The following PIEZO2 variants were observed in gnomAD, a reference collection of about 807,000 sequenced individuals.
PIEZO2 encodes piezo type mechanosensitive ion channel component 2, also known as piezo-type mechanosensitive ion channel component 2.
A neutral mutation model predicts 337.3 loss-of-function variants in PIEZO2; 172 were observed. The observed-to-expected ratio is 0.51, with a 90% CI of 0.45 to 0.58. The LOEUF (loss-of-function observed/expected upper bound fraction) is 0.58. Ranked by LOEUF, PIEZO2 falls within the 20% of genes least tolerant of loss-of-function variation. The pLI is 0.00. For synonymous variants in PIEZO2, 1,251 were observed against 1,228.5 expected (o/e 1.02, Z -0.38); for missense variants, 3,028 against 3,391.3 (o/e 0.89, Z 2.66).
chr18:10,741,217 G>T, intron 32 of PIEZO2, 115 bp from the exon 33 acceptor site: 1 of 885,206 alleles, frequency 1.1e-6, no homozygotes, highest in Non-Finnish European at 1.7e-6. Flanking sequence ...GTATATCAGA[G>T]GTCAGGTAAA....
At chr18:10,957,566 T>G (rs1252690225) in intron 3 of PIEZO2, among the ~76,000 whole-genome samples, 4 of 152,130 alleles carry the variant, frequency 2.6e-5, no homozygotes, top group Non-Finnish European at 4.4e-5. Context: ...GTAAAGCTAC[T>G]AGAAGAAAAA....
rs182498800 is a variant in PIEZO2 at position 10,817,280 on chromosome 18, T to C, written c.918-10006A>G. On this transcript the variant is annotated intron_variant, in intron 7 of 55. Coordinates refer to ENST00000674853, the MANE Select transcript of PIEZO2 (RefSeq NM_001378183.1). ...TGTTTAATTGTCTAGATATTTTAGGTAATATCAAATACGATGAACACCAAT... is the reference window on the plus strand; with the variant it reads ...TGTTTAATTGTCTAGATATTTTAGGCAATATCAAATACGATGAACACCAAT... 1.1e-3 allele frequency among the ~76,000 whole-genome samples: 160 copies of C among 152,328 alleles called. 2 individuals are homozygous for C. Among genetic ancestry groups the C allele is most frequent in the Admixed American group, 0.01 (158 of 15,302 alleles).
At chr18:10,749,863 C>T (rs535441136) in intron 29 of PIEZO2, among the ~76,000 whole-genome samples, 2 of 152,270 alleles carry the variant, frequency 1.3e-5, no homozygotes, top group African/African-American at 4.8e-5. Flanking sequence ...GACTCCAAGT[C>T]CTCAGCATTT....
At chr18:10,770,787 G>T (rs909071255) in intron 20 of PIEZO2, among the ~76,000 whole-genome samples, 1 of 120,116 alleles carries the variant, frequency 8.3e-6, no homozygotes, top group East Asian at 2.8e-4. Context: ...CTGTAGCCCA[G>T]GCTAGAGTGC....
intron 1 of PIEZO2, among the ~76,000 whole-genome samples, chr18:11,076,360 C>T (rs1052153189): frequency 6.6e-6 from 1 of 152,084 alleles, no homozygotes; most frequent in African/African-American, 2.4e-5. Context: ...ATTATAAGGA[C>T]TTGTATTAGA....
At position 10,750,252 on chromosome 18, in the gene PIEZO2, G is replaced by A; in HGVS notation, c.4168-65C>T. On this transcript the variant is annotated intron_variant, in intron 28 of 55. Transcript: ENST00000674853. This position sits in a 1 kb window ranked among gnomAD's most constrained non-coding sequence, Gnocchi z 4.1. ...GCCAGAAAAAAAAGTGGTGTTTTATGATCCCAACATGTGCAAGAATTCACA... is the reference window on the plus strand; with the variant it reads ...GCCAGAAAAAAAAGTGGTGTTTTATAATCCCAACATGTGCAAGAATTCACA... 1.7e-6 allele frequency: 2 copies of A among 1,156,426 alleles called. No individual in the cohort carries two copies. The highest frequency in any genetic ancestry group is 1.2e-6 in the Non-Finnish European group (1 of 800,804). The allele number at this position is 1,156,426 out of a possible 1,614,324, so 71.6% of individuals were successfully genotyped here.
chr18:10,761,212 TA>T, intron 23 of PIEZO2, 101 bp from the exon 24 acceptor site: 1 of 1,075,280 alleles, frequency 9.3e-7, no homozygotes, highest in Non-Finnish European at 1.3e-6. Context: ...CAATGTTTTA[TA>T]AAAGCTCACC....
Position 10,671,602 on chromosome 18 carries a change from A to G in PIEZO2, c.8523T>C (p.Asp2841=). ...RETGELELEE[D]LYAKLIFLYR... is the part of the protein sequence containing the mutation. ...ATAGGAATATTAATTTGGCATAGAGATCTTCTTCTAGCTCCAGTTCTCCTG... is the reference window on the plus strand; with the variant it reads ...ATAGGAATATTAATTTGGCATAGAGGTCTTCTTCTAGCTCCAGTTCTCCTG... Residue 2841 remains aspartate (D), a synonymous_variant, in exon 56 of 56, where the codon GAT becomes GAC. Transcript: ENST00000674853. 1.2e-6 allele frequency: 2 copies of G among 1,613,976 alleles called. No individual in the cohort carries two copies. The highest frequency in any genetic ancestry group is 1.7e-6 in the Non-Finnish European group (2 of 1,179,918).
chr18:10,870,180 A>G lies in PIEZO2; in HGVS notation c.492+1073T>C, dbSNP rs926378808. ...TCTGAGCCACAGTGCCTGGCTAGAC[A>G]ATATCATTTCTAGTTTGCATAGGTT... On this transcript the variant is annotated intron_variant, in intron 5 of 55. Coordinates refer to ENST00000674853, the MANE Select transcript of PIEZO2 (RefSeq NM_001378183.1). This position sits in a 1 kb window ranked among gnomAD's most constrained non-coding sequence, Gnocchi z 5.3. Among the ~76,000 whole-genome samples, 4 of 152,192 alleles carry G rather than the reference A, an allele frequency of 2.6e-5. No homozygotes were observed. Among genetic ancestry groups the G allele is most frequent in the African/African-American group, 9.7e-5 (4 of 41,448 alleles).
intron 7 of PIEZO2, among the ~76,000 whole-genome samples, chr18:10,810,530 A>G (rs2040156088): frequency 6.6e-6 from 1 of 151,868 alleles, no homozygotes. Context: ...CTACTCCCCC[A>G]TTTCCTGGAG....
rs916743844 is a variant in PIEZO2 at position 10,988,110 on chromosome 18, C to T, written c.161-8450G>A. On this transcript the variant is annotated intron_variant, in intron 2 of 55. Coordinates refer to ENST00000674853, the MANE Select transcript of PIEZO2 (RefSeq NM_001378183.1). The surrounding 1 kb of genome is among the most constrained non-coding windows in gnomAD (Gnocchi z 4.8). ...ATGTGATCAAGACATGAGGGTTGAG[C>T]TCTCAGGTATAAGATTAGGGTCTCT... Among the ~76,000 whole-genome samples, 28 of 151,910 alleles carry T rather than the reference C, an allele frequency of 1.8e-4. No individual in the cohort carries two copies. Among genetic ancestry groups the T allele is most frequent in the African/African-American group, 5.1e-4 (21 of 41,206 alleles).
chr18:10,951,536 G>T (rs1394932259), intron 3 of PIEZO2, among the ~76,000 whole-genome samples: 1 of 152,180 alleles, frequency 6.6e-6, no homozygotes, highest in East Asian at 1.9e-4. Flanking sequence ...GTCATCTGCT[G>T]TGTTGCCACC....
In PIEZO2 at chr18:10,804,141, T is replaced by A. The variant is rs896306716; in HGVS notation, c.1081-147A>T. 11 of 1,025,588 alleles carry A rather than the reference T, an allele frequency of 1.1e-5. No homozygotes were observed. The African/African-American group carries it at 1.6e-4, about 15-fold the overall frequency. 63.5% of individuals were successfully genotyped at this position (1,025,588 alleles called of 1,614,324 possible). A position where few individuals can be genotyped will look rare whatever the true frequency, so the allele number is the denominator to read the frequency against. ...ATATACAGGATTTTATCAAGACACT[T>A]TAAAAAATGACAAAAATACCACCCT... is the stretch of plus-strand genomic sequence containing the variant. On this transcript the variant is annotated intron_variant, in intron 8 of 55. Transcript: ENST00000674853.
Position 11,009,464 on chromosome 18 carries a change from G to A in PIEZO2, c.161-29804C>T, listed in dbSNP as rs1277451757. Among the ~76,000 whole-genome samples the A allele has an allele frequency of 6.6e-6, 1 of 152,190 alleles. No homozygotes were observed. Among genetic ancestry groups the A allele is most frequent in the Non-Finnish European group, 1.5e-5 (1 of 68,024 alleles). ...TGTGCTGGAGATTCAGCTGAAGGGA[G>A]GTTGAGCCCAGCTCAGCTCATGGAC... On this transcript the variant is annotated intron_variant, in intron 2 of 55. Transcript: ENST00000674853. This position sits in a 1 kb window ranked among gnomAD's most constrained non-coding sequence, Gnocchi z 4.6.
rs1454859920 is a variant in PIEZO2, at chr18:10,945,831, A to T, written c.286+33704T>A. Among the ~76,000 whole-genome samples the T allele has an allele frequency of 6.6e-6, 1 of 152,172 alleles. No homozygotes were observed. Among genetic ancestry groups the T allele is most frequent in the Non-Finnish European group, 1.5e-5 (1 of 68,024 alleles). On this transcript the variant is annotated intron_variant, in intron 3 of 55. Transcript: ENST00000674853. This position sits in a 1 kb window ranked among gnomAD's most constrained non-coding sequence, Gnocchi z 4.0. ...ATATAGAGAAGACATCAAAAGAAAAAATTGGACTTCTTGAGATAATAACTA... is the reference window on the plus strand; with the variant it reads ...ATATAGAGAAGACATCAAAAGAAAATATTGGACTTCTTGAGATAATAACTA...
intron 4 of PIEZO2, among the ~76,000 whole-genome samples, chr18:10,883,537 A>ACT (rs2042484366): frequency 6.6e-6 from 1 of 152,228 alleles, no homozygotes; most frequent in African/African-American, 2.4e-5. Context: ...ACATTAGAGA[A>ACT]ATACATTATG....
At chr18:10,977,001 A>ATGTGTGTGTGTGTGTG (rs59666101) in intron 3 of PIEZO2, among the ~76,000 whole-genome samples, 258 of 142,896 alleles carry the variant, frequency 1.8e-3, no homozygotes, top group Middle Eastern at 3.5e-3. Flanking sequence ...AAGAACAAAT[A>ATGTGTGTGTGTGTGTG]TGTGTGTGTG....
Position 10,813,974 on chromosome 18 carries a change from T to A in PIEZO2, c.918-6700A>T, listed in dbSNP as rs939301019. 2.0e-5 allele frequency among the ~76,000 whole-genome samples: 3 copies of A among 151,386 alleles called. No individual in the cohort carries two copies. The East Asian group carries it at 5.8e-4, about 29-fold the overall frequency. ...GGTGTGAGATGGGACACCATATATT[T>A]TTTTTTTTTTTGAGATGGAGTTTTG... is the stretch of plus-strand genomic sequence containing the variant. On this transcript the variant is annotated intron_variant, in intron 7 of 55. Coordinates refer to ENST00000674853, the MANE Select transcript of PIEZO2 (RefSeq NM_001378183.1). The surrounding 1 kb of genome is among the most constrained non-coding windows in gnomAD (Gnocchi z 4.2).
In PIEZO2 at chr18:10,737,293, A is replaced by AAAAC. The variant is rs1318042070; in HGVS notation, c.4709-584_4709-583insGTTT. Among the ~76,000 whole-genome samples the AAAAC allele has an allele frequency of 4.7e-3, 688 of 145,304 alleles. 13 individuals are homozygous for AAAAC. Among genetic ancestry groups the AAAAC allele is most frequent in the African/African-American group, 0.019 (651 of 35,136 alleles). The stretch of plus-strand genomic sequence containing the variant: ...TACATGGCAAGACATTTGAAAAAAA[A>AAAAC]AAAACAAAAAAACACGCACACACTG... On this transcript the variant is annotated intron_variant, in intron 33 of 55. Coordinates refer to ENST00000674853, the MANE Select transcript of PIEZO2 (RefSeq NM_001378183.1).
Sources: gnomAD v4.1 joint callset for allele counts (sites outside exome capture counted in the v4.1 genomes callset) on GRCh38, gnomAD v4.1.1 for gene constraint, Gnocchi (gnomAD v3.1) non-coding constraint, MANE v1.5 for transcripts, NCBI Gene and HGNC (gene_info 2026-07-23, HGNC 2026-07-21) for gene names.